SLC8A1: variants seen among roughly 807,000 people sequenced by gnomAD.
SLC8A1 encodes the protein solute carrier family 8 member A1.
In SLC8A1, 18 loss-of-function variants were observed where a neutral mutation model predicts 68.3. That is an observed-to-expected ratio of 0.26 (90% confidence interval 0.18 to 0.39). The LOEUF is 0.39. SLC8A1 is among the 10% of genes least tolerant of loss of function. The pLI is 1.00. For synonymous variants in SLC8A1, 475 were observed against 415.5 expected, an observed-to-expected ratio of 1.14 and a Z score of -1.74; for missense variants, 985 against 1,156.7, an observed-to-expected ratio of 0.85 and a Z score of 2.15.
intron 2 of SLC8A1, among the ~76,000 whole-genome samples, chr2:40,235,936 C>G (rs2060303745): frequency 1.3e-5 from 2 of 151,240 alleles, no homozygotes; most frequent in Admixed American, 6.6e-5. Context: ...ATCCTGAGTT[C>G]TAGTTTGATT....
intron 2 of SLC8A1, among the ~76,000 whole-genome samples, chr2:40,367,199 A>T (rs1016033659): frequency 6.6e-6 from 1 of 151,994 alleles, no homozygotes; most frequent in African/African-American, 2.4e-5. Flanking sequence ...ACTCTTGCTT[A>T]ATCAGGCAGA....
chr2:40,485,732 C>G (rs1399523292), intron 1 of SLC8A1, among the ~76,000 whole-genome samples: 1 of 152,110 alleles, frequency 6.6e-6, no homozygotes, highest in Non-Finnish European at 1.5e-5. Context: ...AAGAAATCCT[C>G]AAGAAGACAA....
intron 2 of SLC8A1, among the ~76,000 whole-genome samples, chr2:40,398,565 A>T (rs35535943): frequency 0.025 from 3,873 of 152,226 alleles, 64 homozygotes; most frequent in Non-Finnish European, 0.039. Flanking sequence ...TTTCAAATAA[A>T]TTTCCTACGT....
chr2:40,155,230 C>T lies in SLC8A1; in HGVS notation c.2161+5535G>A, dbSNP rs370475625. 7.9e-5 allele frequency among the ~76,000 whole-genome samples: 12 copies of T among 151,872 alleles called. No homozygotes were observed. The South Asian group carries it at 1.0e-3, about 13-fold the overall frequency. Reference sequence around the variant, plus strand: ...CTGCAAGCTCTGCCTCCCGGGTTCACGCCATTCTCCTGCCTCAGCCTTCCT... The same window carrying T: ...CTGCAAGCTCTGCCTCCCGGGTTCATGCCATTCTCCTGCCTCAGCCTTCCT... On this transcript the variant is annotated intron_variant, in intron 6 of 7. Coordinates refer to ENST00000406785, the Ensembl canonical transcript of SLC8A1.
chr2:40,114,699 T>A (rs958455114), exon 8 of SLC8A1: 2 of 152,554 alleles, frequency 1.3e-5, no homozygotes, highest in African/African-American at 4.8e-5. Context: ...GCATGAACTT[T>A]GGTAATACGA....
chr2:40,132,765 AT>A (rs147809272), intron 7 of SLC8A1, among the ~76,000 whole-genome samples: 21,304 of 151,922 alleles, frequency 0.14, 1,694 homozygotes, highest in African/African-American at 0.21. Flanking sequence ...GTCAAAAAAA[AT>A]AAAGGTTGAA....
rs572874377 is a variant in SLC8A1, at chr2:40,401,021, T to A, written c.1808+27452A>T. On this transcript the variant is annotated intron_variant, in intron 2 of 7. Coordinates refer to ENST00000406785, the Ensembl canonical transcript of SLC8A1. ...ACATCTGTATCTTGTATTTGCATGG[T>A]GTTTTACAGTTTAGAAAACACAGAC... is the stretch of plus-strand genomic sequence containing the variant. Among the ~76,000 whole-genome samples, 3 of 152,312 alleles carry A rather than the reference T, an allele frequency of 2.0e-5. No homozygotes were observed. The East Asian group carries it at 5.8e-4, about 29-fold the overall frequency.
intron 2 of SLC8A1, among the ~76,000 whole-genome samples, chr2:40,332,002 T>C (rs1376638589): frequency 6.6e-6 from 1 of 151,954 alleles, no homozygotes; most frequent in Non-Finnish European, 1.5e-5. Context: ...CTGTCTGGAG[T>C]GCAGTGGTGT....
rs993587236 is a variant in SLC8A1, at chr2:40,408,873, C to G, written c.1808+19600G>C. ...TCAACTTAAGTATTGAATCCAAAGA[C>G]ACTGAAATAGAAAAAAAATATAGCC... On this transcript the variant is annotated intron_variant, in intron 2 of 7. Coordinates refer to ENST00000406785, the Ensembl canonical transcript of SLC8A1. 3.3e-5 allele frequency among the ~76,000 whole-genome samples: 5 copies of G among 151,360 alleles called. No homozygotes were observed. In the East Asian group the frequency reaches 7.8e-4, roughly 24 times the overall value.
intron 2 of SLC8A1, among the ~76,000 whole-genome samples, chr2:40,266,031 T>C (rs938760243): frequency 6.6e-6 from 1 of 152,214 alleles, no homozygotes; most frequent in Admixed American, 6.5e-5. Context: ...TACTAACTCC[T>C]AACTTCAACA....
exon 8 of SLC8A1, chr2:40,103,443 T>C (rs1351303017): frequency 6.6e-6 from 1 of 152,214 alleles, no homozygotes; most frequent in Non-Finnish European, 1.5e-5. Flanking sequence ...CAGTTGAATC[T>C]GTAGCAGATG....
intron 2 of SLC8A1, among the ~76,000 whole-genome samples, chr2:40,210,838 G>T (rs547834266): frequency 6.6e-6 from 1 of 152,208 alleles, no homozygotes; most frequent in South Asian, 2.1e-4. Flanking sequence ...TTCTTGGAAG[G>T]CCTGTTGACC....
chr2:40,369,774 T>C (rs935636698), intron 2 of SLC8A1, among the ~76,000 whole-genome samples: 14 of 152,046 alleles, frequency 9.2e-5, no homozygotes, highest in Admixed American at 3.9e-4. Flanking sequence ...CCAGAGCCAA[T>C]TGAGGAATCA....
At chr2:40,266,066 T>C (rs1302941377) in intron 2 of SLC8A1, among the ~76,000 whole-genome samples, 1 of 152,198 alleles carries the variant, frequency 6.6e-6, no homozygotes, top group Non-Finnish European at 1.5e-5. Context: ...AATTCAGAAT[T>C]CTTAGGTTTT....
chr2:40,346,618 T>C (rs1313702262), intron 2 of SLC8A1, among the ~76,000 whole-genome samples: 1 of 152,118 alleles, frequency 6.6e-6, no homozygotes, highest in Non-Finnish European at 1.5e-5. Context: ...TTTACAAGTC[T>C]GGCCTTTCAA....
At chr2:40,498,536 C>T (rs1217156324) in intron 1 of SLC8A1, among the ~76,000 whole-genome samples, 2 of 152,008 alleles carry the variant, frequency 1.3e-5, no homozygotes, top group East Asian at 3.9e-4. Flanking sequence ...TGGTTTCTGA[C>T]CTTCACTGGG....
intron 1 of SLC8A1, among the ~76,000 whole-genome samples, chr2:40,499,139 A>G (rs934654114): frequency 6.6e-6 from 1 of 152,014 alleles, no homozygotes; most frequent in East Asian, 1.9e-4. Flanking sequence ...GAATCATGTT[A>G]TATATAATCG....
intron 2 of SLC8A1, among the ~76,000 whole-genome samples, chr2:40,311,884 T>A (rs2073748614): frequency 2.6e-5 from 4 of 152,170 alleles, no homozygotes; most frequent in Non-Finnish European, 5.9e-5. Context: ...CCTTATCATC[T>A]CCACAAACTC....
intron 2 of SLC8A1, among the ~76,000 whole-genome samples, chr2:40,205,879 C>G (rs1037116390): frequency 6.7e-6 from 1 of 150,218 alleles, no homozygotes; most frequent in Non-Finnish European, 1.5e-5. Context: ...TTCAGTTGAG[C>G]TGTGTATAAC....
Sources: gnomAD v4.1 joint callset for allele counts (sites outside exome capture counted in the v4.1 genomes callset) on GRCh38, gnomAD v4.1.1 for gene constraint, MANE v1.5 for transcripts, NCBI Gene and HGNC (gene_info 2026-07-23, HGNC 2026-07-21) for gene names.